UPRT: variants seen among roughly 807,000 people sequenced by gnomAD.
UPRT encodes RP11-311P8.3.
UPRT carries 5 observed loss-of-function variants against 22.6 expected under a neutral mutation model. That is an observed-to-expected ratio of 0.22 (90% CI 0.12 to 0.47). UPRT has a LOEUF of 0.47. Among genes scored for constraint, UPRT ranks in the 20% least tolerant of loss-of-function variants. The pLI is 0.99. For synonymous variants in UPRT, 77 were observed against 87.7 expected (o/e 0.88, Z 0.68); for missense variants, 181 against 239.9 (o/e 0.75, Z 1.62).
chrX:75,296,266 T>C, intron 2 of UPRT, 76 bp from the exon 3 acceptor site: 1 of 1,019,329 alleles, frequency 9.8e-7, no homozygotes, highest in Non-Finnish European at 1.4e-6. Flanking sequence ...CTCTGCCTAC[T>C]GTTCAGCTCC....
intron 1 of UPRT, among the ~76,000 whole-genome samples, chrX:75,276,066 CA>C (rs1193980361): frequency 1.8e-5 from 2 of 111,451 alleles, no homozygotes; most frequent in Non-Finnish European, 1.9e-5. Context: ...AATTCTGAAA[CA>C]TATCTGTTTC....
At chrX:75,294,000 T>C (rs1330665562) in intron 2 of UPRT, among the ~76,000 whole-genome samples, 1 of 111,119 alleles carries the variant, frequency 9.0e-6, no homozygotes, top group African/African-American at 3.3e-5. Flanking sequence ...GTCTATGGTT[T>C]CCTCAGGCAC....
intron 4 of UPRT, among the ~76,000 whole-genome samples, chrX:75,265,267 C>T (rs1028697700): frequency 8.9e-6 from 1 of 111,811 alleles, no homozygotes; most frequent in African/African-American, 3.2e-5. Flanking sequence ...GAATATCCTG[C>T]AGAGTGTTTT....
At chrX:75,197,700 G>C (rs1037051655) in intron 4 of UPRT, among the ~76,000 whole-genome samples, 4 of 111,918 alleles carry the variant, frequency 3.6e-5, no homozygotes, top group Non-Finnish European at 5.6e-5. Flanking sequence ...CTTAACAGAT[G>C]CTCTATAGAA....
chrX:75,157,779 G>A (rs2082186916), intron 1 of UPRT, among the ~76,000 whole-genome samples: 1 of 112,103 alleles, frequency 8.9e-6, no homozygotes, highest in Non-Finnish European at 1.9e-5. Context: ...CGATTGCAGG[G>A]CAATTAGGAG....
chrX:75,291,636 A>C, intron 1 of UPRT: 1 of 143,119 alleles, frequency 7.0e-6, no homozygotes. Context: ...CCATTGTGGA[A>C]TTAAAAAAAA....
intron 1 of UPRT, among the ~76,000 whole-genome samples, chrX:75,280,713 C>T (rs1397271817): frequency 9.0e-6 from 1 of 111,440 alleles, no homozygotes; most frequent in African/African-American, 3.3e-5. Flanking sequence ...GTGACACTTC[C>T]AGGTTTGTTC....
chrX:75,186,414 C>T (rs1424983436), intron 4 of UPRT, among the ~76,000 whole-genome samples: 4 of 111,369 alleles, frequency 3.6e-5, no homozygotes, highest in Non-Finnish European at 7.5e-5. Flanking sequence ...TGTTCTTTTA[C>T]ATTTGCTGAG....
chrX:75,272,343 TACACA>T (rs1569279510), upstream of UPRT, among the ~76,000 whole-genome samples: 689 of 89,674 alleles, frequency 7.7e-3, 19 homozygotes, highest in African/African-American at 0.031. Context: ...TATATATATA[TACACA>T]TATATATATG....
chrX:75,192,242 T>C (rs2082317817), intron 4 of UPRT, among the ~76,000 whole-genome samples: 1 of 112,067 alleles, frequency 8.9e-6, no homozygotes, highest in African/African-American at 3.2e-5. Flanking sequence ...AAGCAGGTTG[T>C]TTAATTTCTA....
chrX:75,249,114 G>A (rs4396045), intron 4 of UPRT, among the ~76,000 whole-genome samples: 10 of 110,895 alleles, frequency 9.0e-5, no homozygotes, highest in Non-Finnish European at 1.7e-4. Flanking sequence ...CATGCCAAAT[G>A]GTAAAGACCG....
chrX:75,203,498 ACACACACACACACACACT>A (rs1325768663), intron 4 of UPRT, among the ~76,000 whole-genome samples: 137 of 104,185 alleles, frequency 1.3e-3, no homozygotes, highest in African/African-American at 4.9e-3. Context: ...ACACACACAC[ACACACACACACACACACT>A]CACACACACA....
chrX:75,178,183 G>A (rs926371547), intron 4 of UPRT, among the ~76,000 whole-genome samples: 1 of 112,235 alleles, frequency 8.9e-6, no homozygotes, highest in African/African-American at 3.2e-5. Context: ...GAAGAGTCGG[G>A]GGTTGTTAGC....
chrX:75,294,305 A>G (rs1318773678), intron 2 of UPRT, among the ~76,000 whole-genome samples: 1 of 110,996 alleles, frequency 9.0e-6, no homozygotes, highest in African/African-American at 3.3e-5. Flanking sequence ...ATATTTCATG[A>G]ATGTATTTCA....
At chrX:75,212,955 T>G (rs1179131641) in intron 4 of UPRT, among the ~76,000 whole-genome samples, 1 of 111,451 alleles carries the variant, frequency 9.0e-6, no homozygotes, top group Non-Finnish European at 1.9e-5. Context: ...TAAAACAATA[T>G]AAAATAAAAA....
chrX:75,254,559 G>A (rs1310480339), intron 4 of UPRT, among the ~76,000 whole-genome samples: 2 of 111,551 alleles, frequency 1.8e-5, no homozygotes, highest in Non-Finnish European at 3.8e-5. Context: ...AGAGTAATTG[G>A]CATTCTTGAA....
intron 4 of UPRT, among the ~76,000 whole-genome samples, 157 bp from the exon 5 acceptor site, chrX:75,299,578 A>G (rs763842083): frequency 8.9e-6 from 1 of 112,249 alleles, no homozygotes; most frequent in East Asian, 2.8e-4. Context: ...AGTATGAAAT[A>G]TGAGCATATC....
At chrX:75,296,479 G>C in intron 3 of UPRT, 68 bp downstream of exon 3, 3 of 950,801 alleles carry the variant, frequency 3.2e-6, no homozygotes, top group Non-Finnish European at 4.5e-6. Context: ...AAAGATGTAA[G>C]TAAAGCAGTC....
At chrX:75,280,039 A>G (rs2082647924) in intron 1 of UPRT, among the ~76,000 whole-genome samples, 1 of 109,240 alleles carries the variant, frequency 9.2e-6, no homozygotes, top group African/African-American at 3.3e-5. Flanking sequence ...ATTCCATCAT[A>G]TATATATATT....
Sources: allele counts gnomAD v4.1 joint callset (sites outside exome capture counted in the v4.1 genomes callset), GRCh38; gene constraint gnomAD v4.1.1; transcripts MANE v1.5; gene names NCBI Gene and HGNC (gene_info 2026-07-23, HGNC 2026-07-21).